MYO1C: variants seen among roughly 807,000 people sequenced by gnomAD.
MYO1C encodes the protein unconventional myosin-Ic.
Under a neutral mutation model 150.8 loss-of-function variants are expected in MYO1C, and 104 were observed. That is an observed-to-expected ratio of 0.69 (90% CI 0.59 to 0.81). The LOEUF is 0.81. MYO1C is among the 30% of genes least tolerant of loss of function. MYO1C has a pLI of 0.00. For synonymous variants in MYO1C, 663 were observed against 579.9 expected (o/e 1.14, Z -2.06); for missense variants, 1,504 against 1,435.0 (o/e 1.05, Z -0.78).
In MYO1C at chr17:1,470,351, G is replaced by T; in HGVS notation, c.2367-17C>A. 2 of 1,462,596 alleles carry T rather than the reference G, an allele frequency of 1.4e-6. No individual in the cohort carries two copies. Among genetic ancestry groups the T allele is most frequent in the South Asian group, 1.2e-5 (1 of 82,298 alleles). The allele number at this position is 1,462,596 out of a possible 1,614,324, so 90.6% of individuals were successfully genotyped here. Reference sequence around the variant, plus strand: ...CGGATGAGCCTGGGGTGGGGGGCCAGACAGGGTTGGGGGTGAGGGGCCTGG... The same window carrying T: ...CGGATGAGCCTGGGGTGGGGGGCCATACAGGGTTGGGGGTGAGGGGCCTGG... On this transcript the variant is annotated splice_polypyrimidine_tract_variant and intron_variant, in intron 23 of 31. Coordinates refer to ENST00000648651, the MANE Select transcript of MYO1C (RefSeq NM_001080779.2).
At chr17:1,488,501 G>A (rs1215492186) in intron 1 of MYO1C, among the ~76,000 whole-genome samples, 2 of 152,244 alleles carry the variant, frequency 1.3e-5, no homozygotes, top group African/African-American at 4.8e-5. Flanking sequence ...TCCTTTCAGT[G>A]ACGCCAGCCA....
At position 1,479,733 on chromosome 17, in the gene MYO1C, G is replaced by A. The variant is rs755165214; in HGVS notation, c.907-28C>T. The stretch of plus-strand genomic sequence containing the variant: ...GGGGGAGCAGGCCGGGGGCAGGAGG[G>A]GGTGAGAGGGGCCAGAGAGCCCCAA... On this transcript the variant is annotated intron_variant, in intron 7 of 31. Transcript: ENST00000648651. This position sits in a 1 kb window ranked among gnomAD's most constrained non-coding sequence, Gnocchi z 4.2. The A allele has an allele frequency of 2.6e-6, 4 of 1,548,994 alleles. No individual in the cohort carries two copies. Among genetic ancestry groups the A allele is most frequent in the South Asian group, 2.3e-5 (2 of 86,342 alleles).
At chr17:1,480,284 T>A (rs1413962018) in intron 7 of MYO1C, among the ~76,000 whole-genome samples, 2 of 150,252 alleles carry the variant, frequency 1.3e-5, no homozygotes, top group Non-Finnish European at 3.0e-5. Flanking sequence ...CCGTCTCTAC[T>A]AAAACTACAA....
chr17:1,484,472 T>C (rs1489424045), intron 1 of MYO1C, 169 bp from the exon 2 acceptor site: 12 of 736,242 alleles, frequency 1.6e-5, no homozygotes, highest in Non-Finnish European at 2.0e-5. Flanking sequence ...GGCCTGGGTG[T>C]GGTGGGCCGG....
chr17:1,474,719 G>T (rs759924114), intron 16 of MYO1C, 29 bp from the exon 17 acceptor site: 1 of 1,613,738 alleles, frequency 6.2e-7, no homozygotes, highest in South Asian at 1.1e-5. Flanking sequence ...GGTCAGGGTG[G>T]GGCACAGGGA....
Position 1,467,971 on chromosome 17 carries a change from C to A in MYO1C, c.2896+17G>T. 2 of 1,612,808 alleles carry A rather than the reference C, an allele frequency of 1.2e-6. No individual in the cohort carries two copies. The highest frequency in any genetic ancestry group is 1.7e-6 in the Non-Finnish European group (2 of 1,179,798). Reference sequence around the variant, plus strand: ...CAGAGCAGGGCCCTCCCCCTGCAGCCCTGGACCCTGGCTGACCGGTCAGGT... The same window carrying A: ...CAGAGCAGGGCCCTCCCCCTGCAGCACTGGACCCTGGCTGACCGGTCAGGT... On this transcript the variant is annotated intron_variant, in intron 28 of 31. Coordinates refer to ENST00000648651, the MANE Select transcript of MYO1C (RefSeq NM_001080779.2).
At chr17:1,487,319 A>G (rs2074674838) in intron 1 of MYO1C, among the ~76,000 whole-genome samples, 1 of 152,080 alleles carries the variant, frequency 6.6e-6, no homozygotes, top group Non-Finnish European at 1.5e-5. Flanking sequence ...CACCAACACA[A>G]CGGCGTACAC....
Position 1,465,648 on chromosome 17 carries a change from C to G in MYO1C, c.*78G>C. ...GTCCCTGGGTCCCTGTCTGGAAGTTCGAGTCTTTGGTAACTGGGAAGGGGA... is the reference window on the plus strand; with the variant it reads ...GTCCCTGGGTCCCTGTCTGGAAGTTGGAGTCTTTGGTAACTGGGAAGGGGA... On this transcript the variant is annotated 3_prime_UTR_variant, in exon 32 of 32. Transcript: ENST00000648651. 7.7e-7 allele frequency: 1 copy of G among 1,293,606 alleles called. No individual in the cohort carries two copies. The highest frequency in any genetic ancestry group is 1.0e-6 in the Non-Finnish European group (1 of 997,592). The allele number at this position is 1,293,606 out of a possible 1,614,324, so 80.1% of individuals were successfully genotyped here. A position where few individuals can be genotyped will look rare whatever the true frequency, so the allele number is the denominator to read the frequency against.
intron 1 of MYO1C, chr17:1,491,604 G>C: frequency 1.0e-6 from 1 of 981,706 alleles, no homozygotes; most frequent in Non-Finnish European, 1.2e-6. Flanking sequence ...ACCCACCGGC[G>C]TGGCTCTTCC....
intron 16 of MYO1C, 33 bp downstream of exon 16, chr17:1,474,779 A>ACCCCCCCCCCCGCC: frequency 2.1e-6 from 2 of 969,118 alleles, no homozygotes; most frequent in Non-Finnish European, 3.2e-6. Flanking sequence ...GGCTATCCCC[A>ACCCCCCCCCCCGCC]CCCCCACCCC....
rs564982072 is a variant in MYO1C at position 1,483,017 on chromosome 17, C to G, written c.390G>C (p.Glu130Asp). ...AGATCATCACAGCCTGGTCCCGACG[C>G]TCCGTGCGCAGTGCTCGGTACACAG... ...ADTVYRALRT[E>D]RRDQAVMISG... The change falls in exon 4 of 32, where the codon GAG becomes GAC. Residue 130 changes from glutamate to aspartate, a missense_variant. By Grantham distance (45) the Glu-to-Asp change is conservative. Transcript: ENST00000648651. 1.5e-5 allele frequency: 24 copies of G among 1,612,036 alleles called. No individual in the cohort carries two copies. The South Asian group carries it at 2.5e-4, about 17-fold the overall frequency.
At chr17:1,473,484 C>T (rs1472163566) in intron 17 of MYO1C, among the ~76,000 whole-genome samples, 1 of 150,984 alleles carries the variant, frequency 6.6e-6, no homozygotes, top group Non-Finnish European at 1.5e-5. Context: ...ACGGCAGCAG[C>T]GGGCAGGGGC....
At position 1,480,862 on chromosome 17, in the gene MYO1C, G is replaced by A. The variant is rs576935767; in HGVS notation, c.651C>T (p.Ile217=). ...GTGACTTTTCCAGGAGGTAACTGAG[G>A]ATGTGGCCACCCACGGGGGCACCCT... The part of the protein sequence containing the change: ...DFKGAPVGGH[I]LSYLLEKSRV... The change falls in exon 6 of 32, where the codon ATC becomes ATT. Residue 217 remains isoleucine, a synonymous_variant. Transcript: ENST00000648651. The A allele has an allele frequency of 2.5e-6, 4 of 1,614,100 alleles. No individual in the cohort carries two copies. In the South Asian group the frequency reaches 3.3e-5, roughly 13 times the overall value.
rs145353072 is a variant in MYO1C at position 1,472,126 on chromosome 17, G to C, written c.1900C>G (p.Pro634Ala). 9 of 1,613,944 alleles carry C rather than the reference G, an allele frequency of 5.6e-6. No homozygotes were observed. The African/African-American group carries it at 1.2e-4, about 22-fold the overall frequency. Residue 634 changes from proline (P) to alanine (A), a missense_variant, in exon 18 of 32, where the codon CCC becomes GCC. By Grantham distance (27) the Pro-to-Ala change is conservative. Transcript: ENST00000648651. ...GTCCCCCGTGGGAGGGGCCTACCGGGCTGTTTGGCATCATTGGGTTTGATG... is the reference window on the plus strand; with the variant it reads ...GTCCCCCGTGGGAGGGGCCTACCGGCCTGTTTGGCATCATTGGGTTTGATG... ...RCIKPNDAKQ[P>A]GRFDEVLIRH...
Position 1,471,818 on chromosome 17 carries a change from G to A in MYO1C, c.2021+89C>T, listed in dbSNP as rs913437665. 23 of 1,386,884 alleles carry A rather than the reference G, an allele frequency of 1.7e-5. No homozygotes were observed. The African/African-American group carries it at 3.0e-4, about 18-fold the overall frequency. 85.9% of individuals were successfully genotyped at this position (1,386,884 alleles called of 1,614,324 possible). ...CTCCGCATCCGCATTTCTAAAATGG[G>A]GCCGAGAACCCTTGTCTGCCCTCAT... On this transcript the variant is annotated intron_variant, in intron 19 of 31. Transcript: ENST00000648651.
intron 14 of MYO1C, chr17:1,477,286 G>A: frequency 1.7e-6 from 1 of 577,898 alleles, no homozygotes; most frequent in East Asian, 3.0e-5. Flanking sequence ...CTCAAGTGAT[G>A]CTCTTGCCCC....
rs764532896 is a variant in MYO1C at position 1,484,289 on chromosome 17, G to A, written c.90C>T (p.Asp30=). The A allele has an allele frequency of 5.0e-5, 80 of 1,610,560 alleles. No individual in the cohort carries two copies. The highest frequency in any genetic ancestry group is 4.9e-4 in the South Asian group (45 of 91,088). Residue 30 remains aspartate, a synonymous_variant, in exon 2 of 32, where the codon GAC becomes GAT. Transcript: ENST00000648651. Reference sequence around the variant, plus strand: ...CACTCTCCATGGTCACCCGAACCCCGTCACTGCCCAGGGCCTGCAGAGAAT... The same window carrying A: ...CACTCTCCATGGTCACCCGAACCCCATCACTGCCCAGGGCCTGCAGAGAAT... The part of the protein sequence containing the change: ...HRPCKLALGS[D]GVRVTMESAL...
Position 1,466,583 on chromosome 17 carries a change from C to T in MYO1C, c.3165+659G>A, listed in dbSNP as rs550780499. 1.6e-4 allele frequency among the ~76,000 whole-genome samples: 24 copies of T among 151,614 alleles called. No individual in the cohort carries two copies. In the South Asian group the frequency reaches 5.0e-3, roughly 32 times the overall value. On this transcript the variant is annotated intron_variant, in intron 31 of 31. Transcript: ENST00000648651. ...CCTCAGGTGATCCACTTGCCTTCGC[C>T]TCCCAAAGTGCTGGGATTACAGGCG...
intron 1 of MYO1C, chr17:1,491,092 G>T (rs970955669): frequency 1.3e-5 from 2 of 152,314 alleles, no homozygotes; most frequent in Non-Finnish European, 2.9e-5. Context: ...ACACGGTGGG[G>T]CTCAGTCACC....
Sources: gnomAD v4.1 joint callset for allele counts (sites outside exome capture counted in the v4.1 genomes callset) on GRCh38, gnomAD v4.1.1 for gene constraint, Gnocchi (gnomAD v3.1) non-coding constraint, MANE v1.5 for transcripts, NCBI Gene and HGNC (gene_info 2026-07-23, HGNC 2026-07-21) for gene names.